The following NOTCH2 variants were observed in gnomAD, a reference collection of about 807,000 sequenced individuals.
NOTCH2 encodes the protein neurogenic locus notch homolog protein 2.
NOTCH2 carries 29 observed loss-of-function variants against 235.8 expected under a neutral mutation model. That is an observed-to-expected ratio of 0.12 (90% CI 0.09 to 0.17). The LOEUF (loss-of-function observed/expected upper bound fraction) is 0.17, where lower values mean the gene tolerates loss of function less well. NOTCH2 is among the 10% of genes least tolerant of loss of function. The pLI is 1.00. For missense variants in NOTCH2, 2,285 were observed against 3,150.2 expected, an observed-to-expected ratio of 0.73 and a Z score of 6.57; for synonymous variants, 1,086 against 1,141.5, an observed-to-expected ratio of 0.95 and a Z score of 0.98.
intron 12 of NOTCH2, among the ~76,000 whole-genome samples, chr1:119,955,546 CA>C (rs782423676): frequency 6.6e-6 from 1 of 152,166 alleles, no homozygotes; most frequent in Non-Finnish European, 1.5e-5. Context: ...CAAATGTTAC[CA>C]AAGAAGGCTT....
intron 24 of NOTCH2, 132 bp downstream of exon 24, chr1:119,926,367 T>G (rs1035742036): frequency 8.9e-6 from 7 of 782,562 alleles, no homozygotes; most frequent in Non-Finnish European, 1.6e-5. Context: ...CCAAGCACTT[T>G]CCTCTGAAAG....
chr1:119,919,658 T>G, intron 30 of NOTCH2, 45 bp from the exon 31 acceptor site: 5 of 1,569,100 alleles, frequency 3.2e-6, no homozygotes, highest in Non-Finnish European at 3.5e-6. Flanking sequence ...AAGGAGAAGG[T>G]AGTTAACCCT....
intron 6 of NOTCH2, among the ~76,000 whole-genome samples, chr1:119,969,243 GA>G (rs1651269565): frequency 6.6e-6 from 1 of 152,228 alleles, no homozygotes; most frequent in African/African-American, 2.4e-5. Context: ...GACTTCAGCA[GA>G]TGTTCCAAAG....
chr1:119,935,293 T>A, intron 22 of NOTCH2, 179 bp downstream of exon 22: 1 of 1,543,596 alleles, frequency 6.5e-7, no homozygotes, highest in East Asian at 2.3e-5. Context: ...AACCACAACA[T>A]CAGAGCTAGC....
At chr1:119,938,033 C>T (rs782577443) in intron 19 of NOTCH2, 23 bp from the exon 20 acceptor site, 6 of 1,612,964 alleles carry the variant, frequency 3.7e-6, no homozygotes, top group Non-Finnish European at 4.2e-6. Flanking sequence ...CAGGGGTGTA[C>T]ATACATCAAA....
At chr1:119,927,037 G>C (rs942194211) in intron 23 of NOTCH2, among the ~76,000 whole-genome samples, 7 of 152,312 alleles carry the variant, frequency 4.6e-5, no homozygotes, top group African/African-American at 1.7e-4. Flanking sequence ...CATTTAAATG[G>C]TGATTTGCGG....
chr1:120,001,284 G>A lies in NOTCH2; in HGVS notation c.416-3952C>T, dbSNP rs587638505. Among the ~76,000 whole-genome samples, 14 of 152,092 alleles carry A rather than the reference G, an allele frequency of 9.2e-5. No individual in the cohort carries two copies. The South Asian group carries it at 1.0e-3, about 11-fold the overall frequency. ...TTTTTGCCAGAGTGCCAACTATCCC[G>A]AGGGAAACTTTGGAGGGAACCAGCT... On this transcript the variant is annotated intron_variant, in intron 3 of 33. Transcript: ENST00000256646.
chr1:119,959,386 C>T lies in NOTCH2; in HGVS notation c.2026+6G>A, dbSNP rs587731563. ...AGGAGGGGCCTTGCAGTAAAAGGAG[C>T]TTTACCTGTGAATCCTGGTGAGCAG... On this transcript the variant is annotated splice_donor_region_variant and intron_variant, in intron 12 of 33. Coordinates refer to ENST00000256646, the MANE Select transcript of NOTCH2 (RefSeq NM_024408.4). 2.6e-6 allele frequency: 4 copies of T among 1,531,568 alleles called. No homozygotes were observed. The highest frequency in any genetic ancestry group is 2.7e-5 in the African/African-American group (2 of 73,436). 94.9% of individuals were successfully genotyped at this position (1,531,568 alleles called of 1,614,324 possible).
intron 2 of NOTCH2, among the ~76,000 whole-genome samples, chr1:120,029,109 T>TC (rs1468702711): frequency 1.0e-5 from 1 of 99,606 alleles, no homozygotes; most frequent in Non-Finnish European, 2.2e-5. Context: ...AAGCCCCTGC[T>TC]CCCCCTCAAT....
chr1:119,980,379 C>CTTAG, intron 5 of NOTCH2, among the ~76,000 whole-genome samples: 1 of 152,294 alleles, frequency 6.6e-6, no homozygotes, highest in Admixed American at 6.5e-5. Context: ...CTGCCTTACT[C>CTTAG]TTAGTGTAGC....
At chr1:119,988,785 C>T (rs587732514) in intron 4 of NOTCH2, among the ~76,000 whole-genome samples, 66 of 152,288 alleles carry the variant, frequency 4.3e-4, no homozygotes, top group African/African-American at 1.5e-3. Context: ...TCCCCTAACT[C>T]GATCTCTCTG....
chr1:119,935,182 C>A lies in NOTCH2; in HGVS notation c.3655+290G>T, dbSNP rs191431654. The A allele has an allele frequency of 1.1e-3, 1,339 of 1,253,828 alleles. 1 individual carries two copies. The highest frequency in any genetic ancestry group is 2.9e-3 in the Admixed American group (80 of 27,640). 77.7% of individuals were successfully genotyped at this position (1,253,828 alleles called of 1,614,324 possible). A position where few individuals can be genotyped will look rare whatever the true frequency, so the allele number is the denominator to read the frequency against. Reference sequence around the variant, plus strand: ...TGAAGCAACAAGAAATCTTACTGACCAGGCTAATTTTTTAATGTTATGCTA... The same window carrying A: ...TGAAGCAACAAGAAATCTTACTGACAAGGCTAATTTTTTAATGTTATGCTA... On this transcript the variant is annotated intron_variant, in intron 22 of 33. Coordinates refer to ENST00000256646, the MANE Select transcript of NOTCH2 (RefSeq NM_024408.4).
In NOTCH2 at chr1:120,069,412, C is replaced by G. The variant is rs782621828; in HGVS notation, c.-6G>C. 1 of 1,542,642 alleles carries G rather than the reference C, an allele frequency of 6.5e-7. No individual in the cohort carries two copies. The highest frequency in any genetic ancestry group is 8.7e-7 in the Non-Finnish European group (1 of 1,152,248). ...GCGGGGCGCAGGGCGGGCATCTTCTCGGTCGCCTCCTCCTCCGCCGCCGCC... is the reference window on the plus strand; with the variant it reads ...GCGGGGCGCAGGGCGGGCATCTTCTGGGTCGCCTCCTCCTCCGCCGCCGCC... On this transcript the variant is annotated 5_prime_UTR_variant, in exon 1 of 34. Transcript: ENST00000256646.
rs587762231 is a variant in NOTCH2, at chr1:119,915,222, C to T, written c.*84G>A. On this transcript the variant is annotated 3_prime_UTR_variant, in exon 34 of 34. Coordinates refer to ENST00000256646, the MANE Select transcript of NOTCH2 (RefSeq NM_024408.4). Reference sequence around the variant, plus strand: ...TAGAAGCTGGCTCCAGAGATTTCTTCATTTCTCTCCCGGATGACCTTCATT... The same window carrying T: ...TAGAAGCTGGCTCCAGAGATTTCTTTATTTCTCTCCCGGATGACCTTCATT... The T allele has an allele frequency of 7.1e-7, 1 of 1,403,180 alleles. No homozygotes were observed. Among genetic ancestry groups the T allele is most frequent in the South Asian group, 1.2e-5 (1 of 86,384 alleles). The allele number at this position is 1,403,180 out of a possible 1,614,324, so 86.9% of individuals were successfully genotyped here. A position where few individuals can be genotyped will look rare whatever the true frequency, so the allele number is the denominator to read the frequency against.
At chr1:120,028,491 T>A (rs1206323447) in intron 2 of NOTCH2, among the ~76,000 whole-genome samples, 2 of 151,940 alleles carry the variant, frequency 1.3e-5, no homozygotes, top group Non-Finnish European at 2.9e-5. Flanking sequence ...CATAATAAGC[T>A]ACATAAAACC....
intron 22 of NOTCH2, among the ~76,000 whole-genome samples, chr1:119,933,154 GATCT>G (rs769897045): frequency 3.3e-5 from 5 of 152,178 alleles, no homozygotes; most frequent in Admixed American, 6.5e-5. Flanking sequence ...GAAATAAACA[GATCT>G]ATCAACTGAG....
intron 8 of NOTCH2, 26 bp downstream of exon 8, chr1:119,967,407 C>A: frequency 6.2e-7 from 1 of 1,608,444 alleles, no homozygotes; most frequent in Non-Finnish European, 8.5e-7. Context: ...CCTCTCTAGA[C>A]CCAACATGCT....
In NOTCH2 at chr1:120,062,988, A is replaced by T. The variant is rs202078989; in HGVS notation, c.73+6346T>A. Among the ~76,000 whole-genome samples the T allele has an allele frequency of 2.0e-4, 30 of 152,048 alleles. 1 individual carries two copies. Among genetic ancestry groups the T allele is most frequent in the Admixed American group, 3.9e-4 (6 of 15,262 alleles). On this transcript the variant is annotated intron_variant, in intron 1 of 33. Coordinates refer to ENST00000256646, the MANE Select transcript of NOTCH2 (RefSeq NM_024408.4). Reference sequence around the variant, plus strand: ...ACAGATAATATTCTCCTCAAAAAAGAGAGACAGGAGAAAAAACAGATCTAC... The same window carrying T: ...ACAGATAATATTCTCCTCAAAAAAGTGAGACAGGAGAAAAAACAGATCTAC...
At chr1:119,932,545 C>CCATT (rs1553195275) in intron 22 of NOTCH2, among the ~76,000 whole-genome samples, 1 of 152,132 alleles carries the variant, frequency 6.6e-6, no homozygotes, top group African/African-American at 2.4e-5. Flanking sequence ...TGAGATCATA[C>CCATT]CATTGCACTC....
Sources: gnomAD v4.1 joint callset for allele counts (sites outside exome capture counted in the v4.1 genomes callset) on GRCh38, gnomAD v4.1.1 for gene constraint, MANE v1.5 for transcripts, NCBI Gene and HGNC (gene_info 2026-07-23, HGNC 2026-07-21) for gene names.